Variants in GJB7 observed in about 807,000 individuals in gnomAD.
GJB7 encodes the protein gap junction beta-7 protein.
For synonymous variants in GJB7, 87 were observed against 95.2 expected, an observed-to-expected ratio of 0.91 and a Z score of 0.50; for missense variants, 253 against 256.8, an observed-to-expected ratio of 0.99 and a Z score of 0.10.
chr6:87,305,635 C>G (rs1009483494), intron 2 of GJB7, among the ~76,000 whole-genome samples: 3 of 152,194 alleles, frequency 2.0e-5, no homozygotes, highest in Admixed American at 6.5e-5. Context: ...CCATCCCCAT[C>G]AAGCTGCCAA....
rs538958758 is a variant in GJB7 at position 87,309,248 on chromosome 6, G to A, written c.-28+13618C>T. Among the ~76,000 whole-genome samples, 15 of 152,320 alleles carry A rather than the reference G, an allele frequency of 9.8e-5. No individual in the cohort carries two copies. In the East Asian group the frequency reaches 1.9e-3, roughly 20 times the overall value. ...CTTCCCTGACTCATGGGCCAGGTAC[G>A]TGTTTAGCTTTGTAATGAAGGGCAC... is the stretch of plus-strand genomic sequence containing the variant. On this transcript the variant is annotated intron_variant, in intron 2 of 2. Coordinates refer to ENST00000525899, the MANE Select transcript of GJB7 (RefSeq NM_198568.3).
chr6:87,289,344 A>G (rs566437112), intron 2 of GJB7, among the ~76,000 whole-genome samples: 6 of 152,310 alleles, frequency 3.9e-5, no homozygotes, highest in South Asian at 2.1e-4. Flanking sequence ...ATCTGTACAG[A>G]CCACATGTTC....
intron 2 of GJB7, among the ~76,000 whole-genome samples, chr6:87,309,848 T>A (rs1210245226): frequency 2.6e-5 from 4 of 152,132 alleles, no homozygotes; most frequent in African/African-American, 9.7e-5. Flanking sequence ...TTGTGACTAC[T>A]GGAGAGGTCA....
intron 2 of GJB7, chr6:87,322,192 C>G (rs1481416658): frequency 6.6e-6 from 1 of 152,210 alleles, no homozygotes; most frequent in Non-Finnish European, 1.5e-5. Context: ...ATTAACTCTA[C>G]ACTTAAATGA....
intron 2 of GJB7, chr6:87,322,295 T>C (rs1554214819): frequency 6.6e-6 from 1 of 152,226 alleles, no homozygotes; most frequent in Non-Finnish European, 1.5e-5. Context: ...AACATACTTC[T>C]AGGAGATGTC....
intron 2 of GJB7, among the ~76,000 whole-genome samples, chr6:87,291,701 C>G (rs1031296466): frequency 2.0e-5 from 3 of 152,174 alleles, no homozygotes; most frequent in African/African-American, 7.2e-5. Flanking sequence ...ACATGTGATG[C>G]GGCACAAAAC....
intron 2 of GJB7, among the ~76,000 whole-genome samples, chr6:87,306,431 C>T (rs1359393628): frequency 1.3e-5 from 2 of 152,284 alleles, no homozygotes; most frequent in East Asian, 1.9e-4. Context: ...AAAATGCTCA[C>T]CATCTCTGGC....
At chr6:87,307,947 T>C (rs2325045) in intron 2 of GJB7, among the ~76,000 whole-genome samples, 34,252 of 152,130 alleles carry the variant, frequency 0.23, 4,521 homozygotes, top group South Asian at 0.36. Context: ...TGCAGCACTA[T>C]TCACAATAAC....
At chr6:87,302,770 G>T (rs1233809873) in intron 2 of GJB7, among the ~76,000 whole-genome samples, 1 of 152,190 alleles carries the variant, frequency 6.6e-6, no homozygotes, top group African/African-American at 2.4e-5. Flanking sequence ...GTTAAGGGCA[G>T]CCAGAGAGAA....
At chr6:87,293,116 C>T (rs1290788861) in intron 2 of GJB7, among the ~76,000 whole-genome samples, 5 of 152,238 alleles carry the variant, frequency 3.3e-5, no homozygotes, top group Non-Finnish European at 7.3e-5. Context: ...ACTGCAACCT[C>T]CCCTTCGCGG....
At chr6:87,316,612 T>C (rs1396872166) in intron 2 of GJB7, among the ~76,000 whole-genome samples, 1 of 152,232 alleles carries the variant, frequency 6.6e-6, no homozygotes, top group African/African-American at 2.4e-5. Flanking sequence ...GCAAAGCCAC[T>C]GGGGCATTAA....
At chr6:87,294,965 C>T (rs901259622) in intron 2 of GJB7, among the ~76,000 whole-genome samples, 4 of 152,236 alleles carry the variant, frequency 2.6e-5, no homozygotes, top group African/African-American at 9.6e-5. Context: ...CTTCTCTGAA[C>T]TTCCATTTCC....
chr6:87,318,190 T>C (rs1014338796), intron 2 of GJB7, among the ~76,000 whole-genome samples: 4 of 151,934 alleles, frequency 2.6e-5, no homozygotes, highest in Non-Finnish European at 4.4e-5. Flanking sequence ...AGGTCAGACA[T>C]TCCTGTGATG....
At chr6:87,322,525 G>C (rs1776686274) in intron 2 of GJB7, 1 of 152,376 alleles carries the variant, frequency 6.6e-6, no homozygotes, top group African/African-American at 2.4e-5. Flanking sequence ...GGAAGACAGG[G>C]GACGCTGTGG....
chr6:87,328,453 T>A (rs1401349013), intron 1 of GJB7, among the ~76,000 whole-genome samples: 2 of 151,880 alleles, frequency 1.3e-5, no homozygotes, highest in Non-Finnish European at 2.9e-5. Flanking sequence ...TTTCTGTTTG[T>A]TAGTTTTCCT....
intron 1 of GJB7, among the ~76,000 whole-genome samples, chr6:87,328,563 C>T (rs970150711): frequency 1.3e-5 from 2 of 151,948 alleles, no homozygotes; most frequent in South Asian, 2.1e-4. Context: ...TTAGGCTGCT[C>T]GGGGGTCAGG....
intron 2 of GJB7, among the ~76,000 whole-genome samples, chr6:87,310,215 A>G (rs1776495717): frequency 6.6e-6 from 1 of 152,230 alleles, no homozygotes. Flanking sequence ...TAGATTTTAG[A>G]ATATAACAAA....
intron 1 of GJB7, among the ~76,000 whole-genome samples, chr6:87,328,881 C>G (rs969523081): frequency 2.8e-4 from 42 of 152,350 alleles, no homozygotes; most frequent in African/African-American, 9.9e-4. Context: ...TGATCTCAGA[C>G]TGCTGTGCTA....
intron 1 of GJB7, among the ~76,000 whole-genome samples, chr6:87,323,657 C>T (rs1450551321): frequency 1.3e-5 from 2 of 152,072 alleles, no homozygotes; most frequent in Non-Finnish European, 2.9e-5. Context: ...GCCACATTTT[C>T]TTAATCCAGT....
Sources: allele counts gnomAD v4.1 joint callset (sites outside exome capture counted in the v4.1 genomes callset), GRCh38; gene constraint gnomAD v4.1.1; transcripts MANE v1.5; gene names NCBI Gene and HGNC (gene_info 2026-07-23, HGNC 2026-07-21).